Variants in NKAIN3 observed in about 807,000 individuals in gnomAD.
NKAIN3 encodes sodium/potassium transporting ATPase interacting 3.
In NKAIN3, 25 loss-of-function variants were observed where a neutral mutation model predicts 30.2. That is an observed-to-expected ratio of 0.83 (90% CI 0.60 to 1.16). The LOEUF (loss-of-function observed/expected upper bound fraction) is 1.16, where lower values mean the gene tolerates loss of function less well. Among genes scored for constraint, NKAIN3 ranks in the 50% most tolerant of loss-of-function variants. The pLI is 0.00. For synonymous variants in NKAIN3, 91 were observed against 89.6 expected (o/e 1.02, Z -0.09); for missense variants, 225 against 254.1 (o/e 0.89, Z 0.78).
At chr8:62,585,589 C>T (rs1055079446) in intron 2 of NKAIN3, among the ~76,000 whole-genome samples, 1 of 152,044 alleles carries the variant, frequency 6.6e-6, no homozygotes, top group Non-Finnish European at 1.5e-5. Context: ...GTTAGATTGT[C>T]ATAAGTAGCC....
chr8:62,582,834 AT>A (rs1810348366), intron 2 of NKAIN3, among the ~76,000 whole-genome samples: 1 of 36,308 alleles, frequency 2.8e-5, no homozygotes, highest in Non-Finnish European at 8.5e-5. Flanking sequence ...GAGGAATGAG[AT>A]CATCAGTGGG....
At chr8:62,478,802 C>T (rs1441374730) in intron 1 of NKAIN3, among the ~76,000 whole-genome samples, 1 of 152,130 alleles carries the variant, frequency 6.6e-6, no homozygotes, top group Non-Finnish European at 1.5e-5. Context: ...TTTTCTAAAA[C>T]TTCCCACACA....
intron 1 of NKAIN3, among the ~76,000 whole-genome samples, chr8:62,413,777 T>C (rs1408425796): frequency 6.6e-6 from 1 of 152,150 alleles, no homozygotes; most frequent in East Asian, 1.9e-4. Flanking sequence ...TATATTACTT[T>C]AGCATACTTT....
chr8:62,883,493 A>G lies in NKAIN3; in HGVS notation c.472-34960A>G, dbSNP rs1353926097. Among the ~76,000 whole-genome samples the G allele has an allele frequency of 4.8e-5, 3 of 62,454 alleles. 1 individual carries two copies. The highest frequency in any genetic ancestry group is 1.2e-3 in the South Asian group (2 of 1,728). The allele number at this position is 62,454 out of a possible 152,430, so 41.0% of individuals were successfully genotyped here. ...TTTTTTCAGATTTTCTACATAGAAG[A>G]TCATGTCATCTGTGAAAAAAGACAG... On this transcript the variant is annotated intron_variant, in intron 4 of 6. Coordinates refer to ENST00000623646, the MANE Select transcript of NKAIN3 (RefSeq NM_001304533.3).
At chr8:62,683,117 T>C (rs1039426693) in intron 3 of NKAIN3, among the ~76,000 whole-genome samples, 1 of 152,176 alleles carries the variant, frequency 6.6e-6, no homozygotes, top group African/African-American at 2.4e-5. Context: ...CACTGCAAGC[T>C]CCACCTCCTG....
chr8:62,585,201 A>G (rs1810431336), intron 2 of NKAIN3, among the ~76,000 whole-genome samples: 1 of 152,076 alleles, frequency 6.6e-6, no homozygotes, highest in African/African-American at 2.4e-5. Flanking sequence ...ACTCCTCAAG[A>G]CTTATTTTTT....
At chr8:62,349,501 T>C (rs900707258) in intron 1 of NKAIN3, among the ~76,000 whole-genome samples, 2 of 152,158 alleles carry the variant, frequency 1.3e-5, no homozygotes, top group Non-Finnish European at 2.9e-5. Context: ...TGGCTTTAAA[T>C]AGAAGGTTTA....
In NKAIN3 at chr8:62,305,862, G is replaced by A. The variant is rs934896157; in HGVS notation, c.54+56735G>A. 2.0e-5 allele frequency among the ~76,000 whole-genome samples: 3 copies of A among 150,318 alleles called. 1 individual carries two copies. Among genetic ancestry groups the A allele is most frequent in the Admixed American group, 6.6e-5 (1 of 15,190 alleles). The stretch of plus-strand genomic sequence containing the variant: ...AAATAGCAAATGAGGAGTTTGACCT[G>A]TGAGTCCTGAGCTTACTGCTTCTGC... On this transcript the variant is annotated intron_variant, in intron 1 of 6. Coordinates refer to ENST00000623646, the MANE Select transcript of NKAIN3 (RefSeq NM_001304533.3).
chr8:62,749,203 G>A (rs1338535063), intron 4 of NKAIN3, among the ~76,000 whole-genome samples: 1 of 152,164 alleles, frequency 6.6e-6, no homozygotes, highest in Non-Finnish European at 1.5e-5. Flanking sequence ...CCTTTACAAT[G>A]CAGCAGGACG....
At chr8:62,264,032 A>C (rs190049685) in intron 1 of NKAIN3, among the ~76,000 whole-genome samples, 1 of 152,212 alleles carries the variant, frequency 6.6e-6, no homozygotes, top group Non-Finnish European at 1.5e-5. Flanking sequence ...AATCCACTGA[A>C]CATTGGTCAG....
intron 3 of NKAIN3, among the ~76,000 whole-genome samples, chr8:62,701,330 C>T (rs986560202): frequency 5.3e-5 from 8 of 152,154 alleles, no homozygotes; most frequent in Admixed American, 1.3e-4. Context: ...AAATGCAGAG[C>T]CTGTGTCCAA....
At chr8:62,363,074 C>A (rs1343179607) in intron 1 of NKAIN3, among the ~76,000 whole-genome samples, 1 of 152,170 alleles carries the variant, frequency 6.6e-6, no homozygotes, top group Non-Finnish European at 1.5e-5. Context: ...GTATGGAGTT[C>A]TTCTCAGTCC....
At chr8:62,630,599 C>T (rs1452610858) in intron 3 of NKAIN3, among the ~76,000 whole-genome samples, 2 of 152,146 alleles carry the variant, frequency 1.3e-5, no homozygotes, top group African/African-American at 4.8e-5. Flanking sequence ...GTATCCAGAA[C>T]ACCATGCATC....
At position 62,977,834 on chromosome 8, in the gene NKAIN3, C is replaced by G. The variant is rs1349284232; in HGVS notation, c.*12427C>G. On this transcript the variant is annotated 3_prime_UTR_variant, in exon 7 of 7. Transcript: ENST00000623646. ...TTCAGCCTTATTGGACTGGTTTTTC[C>G]TCATCTTTGTGGCTTTATCTACCTT... 1 of 152,138 alleles carries G rather than the reference C, an allele frequency of 6.6e-6. No individual in the cohort carries two copies. The highest frequency in any genetic ancestry group is 6.6e-5 in the Admixed American group (1 of 15,258). The allele number at this position is 152,138 out of a possible 1,614,324, so 9.4% of individuals were successfully genotyped here. A position where few individuals can be genotyped will look rare whatever the true frequency, so the allele number is the denominator to read the frequency against.
intron 3 of NKAIN3, among the ~76,000 whole-genome samples, chr8:62,600,380 A>G (rs1165797960): frequency 6.6e-6 from 1 of 152,022 alleles, no homozygotes; most frequent in African/African-American, 2.4e-5. Context: ...GGGGAGGAAA[A>G]TGGACTAACT....
At chr8:62,826,744 A>C (rs1464460810) in intron 4 of NKAIN3, among the ~76,000 whole-genome samples, 1 of 152,216 alleles carries the variant, frequency 6.6e-6, no homozygotes, top group African/African-American at 2.4e-5. Context: ...GGAAATGCTA[A>C]TTAATTATAC....
At chr8:62,284,292 C>G (rs187398445) in intron 1 of NKAIN3, among the ~76,000 whole-genome samples, 2 of 151,572 alleles carry the variant, frequency 1.3e-5, no homozygotes, top group African/African-American at 4.8e-5. Flanking sequence ...GGCTTTCTGT[C>G]TTCTTCCACT....
chr8:62,510,600 AAAG>A (rs1391723697), intron 1 of NKAIN3, among the ~76,000 whole-genome samples: 12 of 152,244 alleles, frequency 7.9e-5, no homozygotes, highest in African/African-American at 2.4e-4. Flanking sequence ...GAAAGATGAG[AAAG>A]AAGAGGAAGA....
At chr8:62,600,731 T>A (rs1469651108) in intron 3 of NKAIN3, among the ~76,000 whole-genome samples, 1 of 152,090 alleles carries the variant, frequency 6.6e-6, no homozygotes, top group Non-Finnish European at 1.5e-5. Flanking sequence ...AAGGCAATAA[T>A]AGCACCTTAT....
Sources: gnomAD v4.1 joint callset for allele counts (sites outside exome capture counted in the v4.1 genomes callset) on GRCh38, gnomAD v4.1.1 for gene constraint, MANE v1.5 for transcripts, NCBI Gene and HGNC (gene_info 2026-07-23, HGNC 2026-07-21) for gene names.